Variants in PEX7 observed in about 807,000 individuals in gnomAD.
PEX7 encodes PTS2 receptor.
In PEX7, 34 loss-of-function variants were observed where a neutral mutation model predicts 47.5. That is an observed-to-expected ratio of 0.72 (90% confidence interval 0.54 to 0.95). The LOEUF is 0.95. Among genes scored for constraint, PEX7 ranks in the 40% least tolerant of loss-of-function variants. The probability of loss-of-function intolerance (pLI) is 0.00; values close to 1 mark genes in which losing one functional copy is unlikely to be tolerated. For missense variants in PEX7, 394 were observed against 400.3 expected (o/e 0.98, Z 0.13); for synonymous variants, 141 against 148.8 (o/e 0.95, Z 0.38).
intron 2 of PEX7, among the ~76,000 whole-genome samples, 161 bp downstream of exon 2, chr6:136,825,432 C>G (rs1164683356): frequency 6.6e-6 from 1 of 152,112 alleles, no homozygotes; most frequent in Admixed American, 6.5e-5. Flanking sequence ...GTGGTGCGCA[C>G]CTGTAGTCCC....
rs901979664 is a variant in PEX7 at position 136,822,748 on chromosome 6, T to G, written c.83T>G (p.Leu28Arg). ...HGYAAEFSPY[L>R]PGRLACATAQ... is the part of the protein sequence containing the mutation. ...TACGCCGCCGAGTTCTCCCCGTACC[T>G]GCCGGGCCGCCTGGCCTGCGCCACC... is the stretch of plus-strand genomic sequence containing the variant. Residue 28 changes from leucine to arginine, a missense_variant, in exon 1 of 10, where the codon CTG becomes CGG. Coordinates refer to ENST00000318471, the MANE Select transcript of PEX7 (RefSeq NM_000288.4). The G allele has an allele frequency of 2.7e-6, 4 of 1,489,506 alleles. No individual in the cohort carries two copies. In the African/African-American group the frequency reaches 4.4e-5, roughly 16 times the overall value. 92.3% of individuals were successfully genotyped at this position (1,489,506 alleles called of 1,614,324 possible). A position where few individuals can be genotyped will look rare whatever the true frequency, so the allele number is the denominator to read the frequency against.
At chr6:136,861,580 T>G (rs909346174) in intron 5 of PEX7, among the ~76,000 whole-genome samples, 4 of 149,858 alleles carry the variant, frequency 2.7e-5, no homozygotes, top group African/African-American at 1.0e-4. Context: ...AATTAAATGG[T>G]TTTTTTTTAG....
intron 9 of PEX7, among the ~76,000 whole-genome samples, chr6:136,902,404 G>A (rs770708370): frequency 2.6e-5 from 4 of 152,102 alleles, no homozygotes; most frequent in Non-Finnish European, 5.9e-5. Flanking sequence ...TGAGAAATGA[G>A]GTCAAGGGCA....
rs552634929 is a variant in PEX7, at chr6:136,890,629, C to T, written c.804-7513C>T. ...GAGAGAGTTGTTAAATAAAGGAGAT[C>T]CTTGTAAGCAGTGCAGACATTCCAC... On this transcript the variant is annotated intron_variant, in intron 8 of 9. Transcript: ENST00000318471. Among the ~76,000 whole-genome samples the T allele has an allele frequency of 7.5e-4, 114 of 152,250 alleles. 1 individual carries two copies. Among genetic ancestry groups the T allele is most frequent in the African/African-American group, 2.7e-3 (114 of 41,538 alleles).
chr6:136,899,927 C>G lies in PEX7; in HGVS notation c.903+1686C>G, dbSNP rs144704154. On this transcript the variant is annotated intron_variant, in intron 9 of 9. Transcript: ENST00000318471. ...TTAATAAAATAATTGTACCTGTTTT[C>G]TATTTTAGTCTTAAAAAGTTACAGT... Among the ~76,000 whole-genome samples, 599 of 152,268 alleles carry G rather than the reference C, an allele frequency of 3.9e-3. 3 individuals are homozygous for G. The highest frequency in any genetic ancestry group is 0.014 in the African/African-American group (577 of 41,564).
At chr6:136,827,113 C>G (rs1774206395) in intron 3 of PEX7, among the ~76,000 whole-genome samples, 1 of 152,182 alleles carries the variant, frequency 6.6e-6, no homozygotes, top group African/African-American at 2.4e-5. Flanking sequence ...GTACATCCTT[C>G]AGATGAAAAC....
intron 8 of PEX7, among the ~76,000 whole-genome samples, chr6:136,873,872 C>A (rs1401028989): frequency 2.0e-5 from 3 of 151,888 alleles, no homozygotes; most frequent in Non-Finnish European, 2.9e-5. Flanking sequence ...TTTTTCCCAG[C>A]ATTTATGGAG....
intron 9 of PEX7, among the ~76,000 whole-genome samples, chr6:136,898,519 C>T (rs1261277181): frequency 2.6e-5 from 4 of 152,136 alleles, no homozygotes; most frequent in Non-Finnish European, 1.5e-5. Context: ...AGAAAAGTGA[C>T]AAGAGAAAGA....
chr6:136,856,865 A>G (rs980781080), intron 5 of PEX7, among the ~76,000 whole-genome samples: 7 of 152,054 alleles, frequency 4.6e-5, no homozygotes, highest in Non-Finnish European at 1.0e-4. Flanking sequence ...CTGGACCTGT[A>G]AGCTCTAACA....
At chr6:136,893,813 A>G (rs1441692111) in intron 8 of PEX7, among the ~76,000 whole-genome samples, 2 of 152,256 alleles carry the variant, frequency 1.3e-5, no homozygotes, top group Non-Finnish European at 2.9e-5. Flanking sequence ...TCCCTTTCTC[A>G]TAGTAAGGAA....
chr6:136,834,542 A>G (rs993533165), intron 3 of PEX7, among the ~76,000 whole-genome samples: 1 of 152,220 alleles, frequency 6.6e-6, no homozygotes, highest in Non-Finnish European at 1.5e-5. Context: ...GATGGAGAAG[A>G]GCCTCTACAA....
intron 5 of PEX7, among the ~76,000 whole-genome samples, chr6:136,853,666 AT>A: frequency 2.0e-5 from 3 of 152,280 alleles, no homozygotes; most frequent in Admixed American, 2.0e-4. Flanking sequence ...CTTCAGGTAA[AT>A]TATATACAGA....
In PEX7 at chr6:136,869,892, T is replaced by G; in HGVS notation, c.636T>G (p.Asn212Lys). The change falls in exon 7 of 10, where the codon AAT (asparagine) becomes AAG (lysine). Residue 212 changes from asparagine (N) to lysine (K), a missense_variant and splice_region_variant. Asn to Lys is a moderately conservative substitution (Grantham distance 94). Coordinates refer to ENST00000318471, the MANE Select transcript of PEX7 (RefSeq NM_000288.4). ...ATGTTTCTCTGAATTGTTTTTAGAA[T>G]TTGCTGGTGACCGGGGCGGTTGACT... ...LSCDWCKYNENLLVTGAVDCS... is the reference protein window; with the variant it reads ...LSCDWCKYNEKLLVTGAVDCS... 6.2e-7 allele frequency: 1 copy of G among 1,611,812 alleles called. No individual in the cohort carries two copies. Among genetic ancestry groups the G allele is most frequent in the South Asian group, 1.1e-5 (1 of 91,030 alleles).
At chr6:136,892,947 A>G (rs930127259) in intron 8 of PEX7, among the ~76,000 whole-genome samples, 2 of 151,842 alleles carry the variant, frequency 1.3e-5, no homozygotes, top group Non-Finnish European at 2.9e-5. Context: ...TCCCATACCC[A>G]CTCAAGCCCT....
At chr6:136,880,481 GTGTTCCCCACACTGTCCTTGCCA>G (rs1273749595) in intron 8 of PEX7, among the ~76,000 whole-genome samples, 5 of 152,158 alleles carry the variant, frequency 3.3e-5, no homozygotes, top group Admixed American at 6.5e-5. Flanking sequence ...GTACCATTCA[GTGTTCCCCACACTGTCCTTGCCA>G]TTCACACAGG....
At chr6:136,868,088 T>C (rs980703208) in intron 6 of PEX7, among the ~76,000 whole-genome samples, 2 of 152,226 alleles carry the variant, frequency 1.3e-5, no homozygotes, top group African/African-American at 4.8e-5. Flanking sequence ...TGTGTTACAG[T>C]AGCCTACAGT....
At chr6:136,861,397 A>G (rs1276482329) in intron 5 of PEX7, among the ~76,000 whole-genome samples, 1 of 152,128 alleles carries the variant, frequency 6.6e-6, no homozygotes, top group East Asian at 1.9e-4. Context: ...TTGGTACTTT[A>G]AGTCAGTTCA....
chr6:136,894,292 A>G (rs1169117367), intron 8 of PEX7, among the ~76,000 whole-genome samples: 2 of 151,996 alleles, frequency 1.3e-5, no homozygotes, highest in Non-Finnish European at 2.9e-5. Context: ...CCCCGTCTCT[A>G]CTAAAAATAC....
At chr6:136,864,604 A>G (rs76522738) in intron 5 of PEX7, among the ~76,000 whole-genome samples, 2,603 of 152,340 alleles carry the variant, frequency 0.017, 76 homozygotes, top group African/African-American at 0.059. Context: ...AAGCCAGGAA[A>G]AAATTGCCTA....
Sources: gnomAD v4.1 joint callset for allele counts (sites outside exome capture counted in the v4.1 genomes callset) on GRCh38, gnomAD v4.1.1 for gene constraint, MANE v1.5 for transcripts, NCBI Gene and HGNC (gene_info 2026-07-23, HGNC 2026-07-21) for gene names.